The following PPP4R2 variants were observed in gnomAD, a reference collection of about 807,000 sequenced individuals.
The protein encoded by PPP4R2 is serine/threonine-protein phosphatase 4 regulatory subunit 2.
In PPP4R2, 13 loss-of-function variants were observed where a neutral mutation model predicts 47.2. That is an observed-to-expected ratio of 0.28 (90% CI 0.18 to 0.44). PPP4R2 has a LOEUF of 0.44. PPP4R2 is among the 20% of genes least tolerant of loss of function. The pLI is 1.00. For synonymous variants in PPP4R2, 151 were observed against 163.3 expected (o/e 0.92, Z 0.57); for missense variants, 421 against 491.2 (o/e 0.86, Z 1.35).
In PPP4R2 at chr3:72,996,992, G is replaced by A. The variant is rs762498778; in HGVS notation, c.-46G>A. 1.5e-6 allele frequency: 2 copies of A among 1,340,730 alleles called. No individual in the cohort carries two copies. The highest frequency in any genetic ancestry group is 3.0e-5 in the African/African-American group (2 of 66,442). The allele number at this position is 1,340,730 out of a possible 1,614,324, so 83.1% of individuals were successfully genotyped here. A position where few individuals can be genotyped will look rare whatever the true frequency, so the allele number is the denominator to read the frequency against. The stretch of plus-strand genomic sequence containing the variant: ...TGGGGGGAGGCGTTCCGGTCCCCAA[G>A]AGACCCGCGGAGGGAGGCGGAGGCT... On this transcript the variant is annotated 5_prime_UTR_variant, in exon 1 of 9. Coordinates refer to ENST00000356692, the MANE Select transcript of PPP4R2 (RefSeq NM_174907.4).
chr3:73,065,673 A>G lies in PPP4R2; in HGVS notation c.1205A>G (p.Asn402Ser). ...ATTCTTTCAGAATCATCCATGGAAA[A>G]TGATGACGAAGCCACAGAAGTCACC... ...GEILSESSME[N>S]DDEATEVTDE... Residue 402 changes from asparagine (N) to serine (S), a missense_variant, in exon 9 of 9, where the codon AAT (asparagine) becomes AGT (serine). Asn to Ser is a conservative substitution (Grantham distance 46, BLOSUM62 1). Transcript: ENST00000356692. 6.2e-7 allele frequency: 1 copy of G among 1,610,394 alleles called. No individual in the cohort carries two copies.
chr3:73,064,262 C>A lies in PPP4R2; in HGVS notation c.638+116C>A, dbSNP rs143757507. 150 of 889,858 alleles carry A rather than the reference C, an allele frequency of 1.7e-4. 1 individual carries two copies. The East Asian group carries it at 2.7e-3, about 16-fold the overall frequency. The allele number at this position is 889,858 out of a possible 1,614,324, so 55.1% of individuals were successfully genotyped here. ...TGAGGGACAGAACAAGGTTTTCATGCGGTTTATAGGAGCACTGGCTTCTCT... is the reference window on the plus strand; with the variant it reads ...TGAGGGACAGAACAAGGTTTTCATGAGGTTTATAGGAGCACTGGCTTCTCT... On this transcript the variant is annotated intron_variant, in intron 7 of 8. Coordinates refer to ENST00000356692, the MANE Select transcript of PPP4R2 (RefSeq NM_174907.4).
chr3:73,040,013 T>G (rs909218051), intron 2 of PPP4R2, among the ~76,000 whole-genome samples: 3 of 152,052 alleles, frequency 2.0e-5, no homozygotes, highest in Non-Finnish European at 4.4e-5. Flanking sequence ...GAGATCGCCA[T>G]TGCACTCCAG....
chr3:73,025,993 C>G (rs1042266772), intron 2 of PPP4R2, among the ~76,000 whole-genome samples: 2 of 152,064 alleles, frequency 1.3e-5, no homozygotes, highest in Non-Finnish European at 2.9e-5. Flanking sequence ...TCTCACCTTG[C>G]CTGGGTTTTT....
intron 3 of PPP4R2, among the ~76,000 whole-genome samples, chr3:73,053,177 G>A (rs973273778): frequency 2.6e-5 from 4 of 152,196 alleles, no homozygotes; most frequent in African/African-American, 9.6e-5. Context: ...GTCAGTGTTT[G>A]TTGAGTATAT....
At chr3:73,020,076 C>T (rs1001960749) in intron 2 of PPP4R2, among the ~76,000 whole-genome samples, 1 of 152,154 alleles carries the variant, frequency 6.6e-6, no homozygotes, top group Non-Finnish European at 1.5e-5. Flanking sequence ...TAACAAAATA[C>T]CATTGACTTG....
chr3:73,043,695 A>T (rs1178849111), intron 2 of PPP4R2, among the ~76,000 whole-genome samples: 1 of 152,226 alleles, frequency 6.6e-6, no homozygotes, highest in African/African-American at 2.4e-5. Flanking sequence ...AATGCTGAGC[A>T]TCTTTTCATA....
chr3:73,044,386 A>G (rs1326758454), intron 2 of PPP4R2, among the ~76,000 whole-genome samples: 1 of 152,130 alleles, frequency 6.6e-6, no homozygotes, highest in Admixed American at 6.6e-5. Context: ...GGAGTTCGAG[A>G]CCAGCCTGGC....
intron 2 of PPP4R2, among the ~76,000 whole-genome samples, chr3:73,034,793 A>G (rs537061768): frequency 2.6e-5 from 4 of 152,120 alleles, no homozygotes; most frequent in African/African-American, 9.6e-5. Flanking sequence ...TCAGCCTTCC[A>G]AAGTGTTGGG....
intron 2 of PPP4R2, among the ~76,000 whole-genome samples, chr3:73,019,897 T>G (rs2107249232): frequency 6.6e-6 from 1 of 152,334 alleles, no homozygotes. Context: ...TTTACAATTT[T>G]GTCTTATTTT....
At chr3:73,018,633 C>T (rs979897944) in intron 2 of PPP4R2, among the ~76,000 whole-genome samples, 1 of 151,964 alleles carries the variant, frequency 6.6e-6, no homozygotes, top group East Asian at 1.9e-4. Flanking sequence ...TCTTACCTTT[C>T]CAGTCTTCTC....
chr3:73,065,765 G>T lies in PPP4R2; in HGVS notation c.*43G>T, dbSNP rs768800217. On this transcript the variant is annotated 3_prime_UTR_variant, in exon 9 of 9. Coordinates refer to ENST00000356692, the MANE Select transcript of PPP4R2 (RefSeq NM_174907.4). ...GATGCAGTATTTTACATACAGTTCT[G>T]GTTTTAACACTGTATAAAACTTTTG... 14 of 1,359,172 alleles carry T rather than the reference G, an allele frequency of 1.0e-5. No individual in the cohort carries two copies. The highest frequency in any genetic ancestry group is 2.4e-5 in the East Asian group (1 of 40,932). The allele number at this position is 1,359,172 out of a possible 1,614,324, so 84.2% of individuals were successfully genotyped here. A position where few individuals can be genotyped will look rare whatever the true frequency, so the allele number is the denominator to read the frequency against.
intron 2 of PPP4R2, among the ~76,000 whole-genome samples, chr3:73,031,322 C>T (rs910371205): frequency 2.0e-5 from 3 of 151,976 alleles, no homozygotes; most frequent in Non-Finnish European, 4.4e-5. Flanking sequence ...GGTGGATCAC[C>T]TGAGGCCAGG....
chr3:72,997,083 T>C lies in PPP4R2; in HGVS notation c.34+12T>C. On this transcript the variant is annotated intron_variant, in intron 1 of 8. Coordinates refer to ENST00000356692, the MANE Select transcript of PPP4R2 (RefSeq NM_174907.4). ...GGAGGCGCTGAAAGGTGGGGGTAGC[T>C]GCCCCCTCTCCATTCCCCCTCACCT... 7.2e-7 allele frequency: 1 copy of C among 1,386,252 alleles called. No homozygotes were observed. The highest frequency in any genetic ancestry group is 2.7e-5 in the Admixed American group (1 of 37,510). 85.9% of individuals were successfully genotyped at this position (1,386,252 alleles called of 1,614,324 possible).
At chr3:73,028,102 C>T (rs1010764235) in intron 2 of PPP4R2, among the ~76,000 whole-genome samples, 1 of 151,512 alleles carries the variant, frequency 6.6e-6, no homozygotes, top group Non-Finnish European at 1.5e-5. Flanking sequence ...ACTAAAAATA[C>T]AAAAATTAGC....
intron 3 of PPP4R2, among the ~76,000 whole-genome samples, chr3:73,049,480 CAG>C (rs1702565491): frequency 6.6e-6 from 1 of 151,160 alleles, no homozygotes; most frequent in South Asian, 2.1e-4. Context: ...GCCTGGGTGA[CAG>C]AGTGAGACTC....
At chr3:73,044,934 C>T (rs1702453013) in intron 2 of PPP4R2, among the ~76,000 whole-genome samples, 1 of 152,144 alleles carries the variant, frequency 6.6e-6, no homozygotes, top group South Asian at 2.1e-4. Flanking sequence ...TCCTTTGATG[C>T]ACAAAATTTT....
At chr3:73,004,049 T>A (rs768541431) in intron 2 of PPP4R2, among the ~76,000 whole-genome samples, 1 of 152,066 alleles carries the variant, frequency 6.6e-6, no homozygotes, top group Non-Finnish European at 1.5e-5. Flanking sequence ...TTGGCCAGGT[T>A]GGTCTCAATT....
chr3:73,053,425 C>T (rs1301206461), intron 3 of PPP4R2, among the ~76,000 whole-genome samples: 1 of 152,086 alleles, frequency 6.6e-6, no homozygotes, highest in East Asian at 1.9e-4. Flanking sequence ...TTGAAATTAA[C>T]AGAAAGCCTA....
Sources: allele counts gnomAD v4.1 joint callset (sites outside exome capture counted in the v4.1 genomes callset), GRCh38; gene constraint gnomAD v4.1.1; transcripts MANE v1.5; gene names NCBI Gene and HGNC (gene_info 2026-07-23, HGNC 2026-07-21).